MBD5: variants seen among roughly 807,000 people sequenced by gnomAD.
The protein encoded by MBD5 is methyl-CpG binding domain protein 5, also known as methyl-CpG-binding domain protein 5.
A neutral mutation model predicts 117.3 loss-of-function variants in MBD5; 13 were observed. That is an observed-to-expected ratio of 0.11 (90% confidence interval 0.07 to 0.18). The LOEUF is 0.18. Among genes scored for constraint, MBD5 ranks in the 10% least tolerant of loss-of-function variants. The pLI is 1.00. For missense variants in MBD5, 1,879 were observed against 2,093.8 expected (o/e 0.90, Z 2.00); for synonymous variants, 727 against 766.4 (o/e 0.95, Z 0.85).
chr2:148,169,893 G>GA (rs1698218658), intron 1 of MBD5, among the ~76,000 whole-genome samples: 1 of 119,848 alleles, frequency 8.3e-6, no homozygotes, highest in African/African-American at 3.0e-5. Context: ...CCCAATAAGG[G>GA]ATTCTTCTTT....
Position 148,303,881 on chromosome 2 carries a change from T to C in MBD5, c.-679-38333T>C, listed in dbSNP as rs144633092. ...ATCAAATAAATCTAATTTTATTAGGTGTCAGAAACACTTGATGTGGACATT... is the reference window on the plus strand; with the variant it reads ...ATCAAATAAATCTAATTTTATTAGGCGTCAGAAACACTTGATGTGGACATT... On this transcript the variant is annotated intron_variant, in intron 3 of 13. Transcript: ENST00000642680. 2.5e-3 allele frequency among the ~76,000 whole-genome samples: 387 copies of C among 152,310 alleles called. 1 individual carries two copies. The highest frequency in any genetic ancestry group is 8.9e-3 in the African/African-American group (372 of 41,572).
chr2:148,313,430 C>T (rs1301629019), intron 3 of MBD5, among the ~76,000 whole-genome samples: 2 of 151,296 alleles, frequency 1.3e-5, no homozygotes, highest in African/African-American at 4.8e-5. Flanking sequence ...GTTCAAACTT[C>T]CAGGCAGCTT....
At chr2:148,235,923 C>T (rs963159402) in intron 3 of MBD5, among the ~76,000 whole-genome samples, 3 of 152,036 alleles carry the variant, frequency 2.0e-5, no homozygotes, top group Admixed American at 1.3e-4. Context: ...CTCAGCCTCC[C>T]GAATAGCTGG....
intron 4 of MBD5, among the ~76,000 whole-genome samples, chr2:148,375,611 A>C (rs1703967928): frequency 6.6e-6 from 1 of 152,130 alleles, no homozygotes; most frequent in African/African-American, 2.4e-5. Flanking sequence ...TGGAAATGCT[A>C]GTTTTCTGAT....
chr2:148,364,582 G>A (rs892396436), intron 4 of MBD5, among the ~76,000 whole-genome samples: 4 of 152,172 alleles, frequency 2.6e-5, no homozygotes, highest in African/African-American at 7.2e-5. Flanking sequence ...TTAGTGTGCT[G>A]TATTCAGGAG....
intron 1 of MBD5, among the ~76,000 whole-genome samples, chr2:148,107,209 G>A (rs979388916): frequency 6.6e-6 from 1 of 152,008 alleles, no homozygotes; most frequent in African/African-American, 2.4e-5. Flanking sequence ...TTCTTTTAGT[G>A]TGTTGAAGAT....
chr2:148,371,429 A>G (rs1381744859), intron 4 of MBD5, among the ~76,000 whole-genome samples: 2 of 152,102 alleles, frequency 1.3e-5, no homozygotes, highest in Admixed American at 1.3e-4. Flanking sequence ...GTAACATATT[A>G]AAAAAAGAGA....
At chr2:148,374,421 C>T (rs1010195768) in intron 4 of MBD5, among the ~76,000 whole-genome samples, 34 of 152,200 alleles carry the variant, frequency 2.2e-4, no homozygotes, top group African/African-American at 7.9e-4. Context: ...AAACAATATG[C>T]GACTTCCTTT....
intron 3 of MBD5, among the ~76,000 whole-genome samples, chr2:148,236,918 C>A (rs531729936): frequency 1.1e-4 from 16 of 152,300 alleles, no homozygotes; most frequent in Middle Eastern, 3.4e-3. Flanking sequence ...GCTTCTAGAT[C>A]ACTTGCTGCA....
chr2:148,244,363 G>A (rs1444035374), intron 3 of MBD5: 4 of 151,958 alleles, frequency 2.6e-5, no homozygotes, highest in African/African-American at 9.7e-5. Context: ...ATAAAGGGTG[G>A]GTAAAAGTAC....
Position 148,186,816 on chromosome 2 carries a change from A to G in MBD5, c.-831+8023A>G, listed in dbSNP as rs1698670145. ...AAAATTAACCCCAAACCACTAGAAT[A>G]GACAATCAGTAGAAACAGAGCAAGA... On this transcript the variant is annotated intron_variant, in intron 2 of 13. Transcript: ENST00000642680. 2.0e-5 allele frequency among the ~76,000 whole-genome samples: 3 copies of G among 152,256 alleles called. No homozygotes were observed. In the South Asian group the frequency reaches 6.2e-4, roughly 31 times the overall value.
chr2:148,057,771 T>A (rs760900065), intron 1 of MBD5, among the ~76,000 whole-genome samples: 13 of 151,978 alleles, frequency 8.6e-5, no homozygotes, highest in Non-Finnish European at 1.9e-4. Context: ...GAATCTGAGA[T>A]CTTAAAGTTT....
intron 11 of MBD5, among the ~76,000 whole-genome samples, chr2:148,500,569 G>T (rs1386591539): frequency 6.6e-6 from 1 of 151,962 alleles, no homozygotes; most frequent in Non-Finnish European, 1.5e-5. Flanking sequence ...AAAAATTGAA[G>T]ACTTAAAAAA....
chr2:148,143,411 T>C (rs1440434286), intron 1 of MBD5, among the ~76,000 whole-genome samples: 1 of 152,184 alleles, frequency 6.6e-6, no homozygotes, highest in Non-Finnish European at 1.5e-5. Context: ...GTTTTTACTA[T>C]GAGCCTATTA....
intron 8 of MBD5, among the ~76,000 whole-genome samples, chr2:148,480,443 G>C (rs1251171518): frequency 6.6e-6 from 1 of 151,978 alleles, no homozygotes; most frequent in African/African-American, 2.4e-5. Flanking sequence ...TCTCCCTTTG[G>C]TTAGAGAAAT....
intron 3 of MBD5, among the ~76,000 whole-genome samples, chr2:148,238,230 G>T (rs1700132605): frequency 1.3e-5 from 2 of 152,144 alleles, no homozygotes; most frequent in African/African-American, 4.8e-5. Flanking sequence ...TAGAGTTCAT[G>T]TTTAAAAATA....
At chr2:148,151,241 C>A (rs1019491842) in intron 1 of MBD5, among the ~76,000 whole-genome samples, 6 of 151,982 alleles carry the variant, frequency 3.9e-5, no homozygotes, top group Admixed American at 6.6e-5. Context: ...TGCTGGATTA[C>A]ATTTATTGAT....
chr2:148,483,042 T>G (rs921052519), intron 8 of MBD5, 68 bp from the exon 9 acceptor site: 13 of 1,544,168 alleles, frequency 8.4e-6, no homozygotes, highest in African/African-American at 1.4e-5. Flanking sequence ...AATGCATTTT[T>G]ATGCCTAGTC....
chr2:148,027,560 A>G (rs1165687076), intron 1 of MBD5: 2 of 152,096 alleles, frequency 1.3e-5, no homozygotes, highest in Non-Finnish European at 2.9e-5. Context: ...AAACTTTTTG[A>G]GCACTGACAT....
Sources: allele counts gnomAD v4.1 joint callset (sites outside exome capture counted in the v4.1 genomes callset), GRCh38; gene constraint gnomAD v4.1.1; transcripts MANE v1.5; gene names NCBI Gene and HGNC (gene_info 2026-07-23, HGNC 2026-07-21).